SERPINB10: variants seen among roughly 807,000 people sequenced by gnomAD.
The protein encoded by SERPINB10 is serpin family B member 10.
SERPINB10 carries 35 observed loss-of-function variants against 39.1 expected under a neutral mutation model. The ratio of observed to expected loss-of-function variants is 0.90; its 90% confidence interval spans 0.68 to 1.19. The LOEUF is 1.19. SERPINB10 is among the 50% of genes most tolerant of loss of function. The pLI is 0.00. For synonymous variants in SERPINB10, 190 were observed against 158.1 expected, an observed-to-expected ratio of 1.20 and a Z score of -1.52; for missense variants, 546 against 460.5, an observed-to-expected ratio of 1.19 and a Z score of -1.70.
In SERPINB10 at chr18:63,907,974, A is replaced by G. The variant is rs1457864841; in HGVS notation, c.-76A>G. The G allele has an allele frequency of 1.9e-5, 6 of 321,286 alleles. No individual in the cohort carries two copies. Among genetic ancestry groups the G allele is most frequent in the Non-Finnish European group, 3.8e-5 (6 of 156,704 alleles). 19.9% of individuals were successfully genotyped at this position (321,286 alleles called of 1,614,324 possible). A position where few individuals can be genotyped will look rare whatever the true frequency, so the allele number is the denominator to read the frequency against. ...AATTTCTTCAGTTGAAAGTTTCTCA[A>G]CTCTTCAGCCACAATCTCTTACTAC... On this transcript the variant is annotated 5_prime_UTR_variant, in exon 1 of 8. Transcript: ENST00000238508.
intron 5 of SERPINB10, among the ~76,000 whole-genome samples, chr18:63,922,953 T>G (rs891782475): frequency 6.6e-6 from 1 of 151,988 alleles, no homozygotes; most frequent in African/African-American, 2.4e-5. Context: ...AAGTTTCATT[T>G]CTGAAGAAGA....
At chr18:63,932,935 A>T in intron 6 of SERPINB10, 113 bp from the exon 7 acceptor site, 1 of 936,500 alleles carries the variant, frequency 1.1e-6, no homozygotes, top group South Asian at 1.6e-5. Context: ...CATTTAGCAG[A>T]GAATCAGCAG....
intron 1 of SERPINB10, among the ~76,000 whole-genome samples, chr18:63,914,223 C>T (rs74744806): frequency 0.26 from 39,581 of 151,892 alleles, 5,820 homozygotes; most frequent in African/African-American, 0.39. Flanking sequence ...ATCCAACTTG[C>T]CACTCTGTGC....
intron 3 of SERPINB10, 61 bp downstream of exon 3, chr18:63,917,582 A>G (rs1029855401): frequency 5.1e-6 from 5 of 979,686 alleles, no homozygotes; most frequent in Non-Finnish European, 7.4e-6. Flanking sequence ...TAGCACATGT[A>G]TTTTAGTGAT....
chr18:63,908,011 G>T lies in SERPINB10; in HGVS notation c.-39G>T. The T allele has an allele frequency of 2.9e-6, 1 of 341,878 alleles. No homozygotes were observed. Among genetic ancestry groups the T allele is most frequent in the Non-Finnish European group, 6.1e-6 (1 of 165,194 alleles). 21.2% of individuals were successfully genotyped at this position (341,878 alleles called of 1,614,324 possible). A position where few individuals can be genotyped will look rare whatever the true frequency, so the allele number is the denominator to read the frequency against. On this transcript the variant is annotated 5_prime_UTR_variant, in exon 1 of 8. Transcript: ENST00000238508. ...CAATCTCTTACTACAGGAGCAAATT[G>T]CCAATTCTGCTCCAGTGGGAGAAAA... is the stretch of plus-strand genomic sequence containing the variant.
At chr18:63,926,036 A>G (rs1264508473) in intron 5 of SERPINB10, among the ~76,000 whole-genome samples, 1 of 152,006 alleles carries the variant, frequency 6.6e-6, no homozygotes, top group Non-Finnish European at 1.5e-5. Context: ...GGCTGTCATA[A>G]CACATTAAGG....
intron 5 of SERPINB10, among the ~76,000 whole-genome samples, chr18:63,920,738 G>T (rs1056356981): frequency 6.6e-6 from 1 of 151,854 alleles, no homozygotes; most frequent in East Asian, 1.9e-4. Context: ...CTAGTTTTAG[G>T]ATCAAAAAGC....
At chr18:63,933,907 T>C (rs1293557647) in intron 7 of SERPINB10, among the ~76,000 whole-genome samples, 1 of 152,220 alleles carries the variant, frequency 6.6e-6, no homozygotes, top group East Asian at 1.9e-4. Flanking sequence ...TTAATACTTA[T>C]AAGTTTCCAC....
At position 63,915,648 on chromosome 18, in the gene SERPINB10, C is replaced by G. The variant is rs1412748650; in HGVS notation, c.138C>G (p.Ala46=). The change falls in exon 2 of 8, where the codon GCC becomes GCG. Residue 46 remains alanine, a synonymous_variant. Transcript: ENST00000238508. ...CCTTGACCATAGTGTATTTGGGCGC[C>G]AAAGGTACCACTGCAGCCCAAATGG... ...STSLTIVYLG[A]KGTTAAQMAQ... 6.2e-7 allele frequency: 1 copy of G among 1,611,398 alleles called. No homozygotes were observed. The highest frequency in any genetic ancestry group is 1.7e-5 in the Admixed American group (1 of 59,746).
In SERPINB10 at chr18:63,915,574, T is replaced by G. The variant is rs747065892; in HGVS notation, c.64T>G (p.Ser22Ala). 2 of 1,612,762 alleles carry G rather than the reference T, an allele frequency of 1.2e-6. No homozygotes were observed. The highest frequency in any genetic ancestry group is 1.7e-6 in the Non-Finnish European group (2 of 1,179,198). ...ALELSKKLAE[S>A]AQGKNIFFSS... is the part of the protein sequence containing the mutation. ...GGAGTTGAGCAAAAAGCTAGCTGAA[T>G]CTGCTCAGGGTAAAAATATCTTCTT... Residue 22 changes from serine to alanine, a missense_variant, in exon 2 of 8, where the codon TCT becomes GCT. Physicochemically the swap from Ser to Ala is moderately conservative, Grantham distance 99. Transcript: ENST00000238508.
rs779136431 is a variant in SERPINB10, at chr18:63,935,202, C to G, written c.1154C>G (p.Thr385Ser). 1.2e-6 allele frequency: 2 copies of G among 1,605,594 alleles called. No homozygotes were observed. The highest frequency in any genetic ancestry group is 3.4e-5 in the Admixed American group (2 of 59,082). Reference sequence around the variant, plus strand: ...CTCTTCTTCATCAGGCACAATAAAACCAACACCATTCTTTTTTATGGAAGA... The same window carrying G: ...CTCTTCTTCATCAGGCACAATAAAAGCAACACCATTCTTTTTTATGGAAGA... ...PFLFFIRHNK[T>S]NTILFYGRLC... is the part of the protein sequence containing the mutation. Residue 385 changes from threonine (T) to serine (S), a missense_variant, in exon 8 of 8, where the codon ACC becomes AGC. By Grantham distance (58) the Thr-to-Ser change is moderately conservative. Coordinates refer to ENST00000238508, the MANE Select transcript of SERPINB10 (RefSeq NM_005024.3).
Position 63,935,333 on chromosome 18 carries a change from T to C in SERPINB10, c.*91T>C. 1.5e-6 allele frequency: 2 copies of C among 1,351,848 alleles called. No individual in the cohort carries two copies. The highest frequency in any genetic ancestry group is 2.0e-6 in the Non-Finnish European group (2 of 1,002,600). The allele number at this position is 1,351,848 out of a possible 1,614,324, so 83.7% of individuals were successfully genotyped here. A position where few individuals can be genotyped will look rare whatever the true frequency, so the allele number is the denominator to read the frequency against. On this transcript the variant is annotated 3_prime_UTR_variant, in exon 8 of 8. Transcript: ENST00000238508. ...AGCACAATTTTCACAAAAATGAGTT[T>C]GTAGTCTAAACCTTTTTCACATTTG...
rs190285430 is a variant in SERPINB10 at position 63,918,911 on chromosome 18, C to T, written c.372+809C>T. Among the ~76,000 whole-genome samples, 55 of 152,070 alleles carry T rather than the reference C, an allele frequency of 3.6e-4. No individual in the cohort carries two copies. The East Asian group carries it at 9.7e-3, about 27-fold the overall frequency. On this transcript the variant is annotated intron_variant, in intron 4 of 7. Transcript: ENST00000238508. Reference sequence around the variant, plus strand: ...AGAGGGACACAGAGATAGAGACAAACATATTTTTATATGTCCACAAGCCCT... The same window carrying T: ...AGAGGGACACAGAGATAGAGACAAATATATTTTTATATGTCCACAAGCCCT...
intron 1 of SERPINB10, among the ~76,000 whole-genome samples, chr18:63,908,670 CCT>C: frequency 6.6e-6 from 1 of 152,118 alleles, no homozygotes; most frequent in South Asian, 2.1e-4. Flanking sequence ...CAAACTATTA[CCT>C]GTTTCTAAAA....
chr18:63,914,920 AG>A (rs1222391930), intron 1 of SERPINB10, among the ~76,000 whole-genome samples: 6 of 152,090 alleles, frequency 3.9e-5, no homozygotes, highest in Admixed American at 6.6e-5. Flanking sequence ...CAAATGAGTG[AG>A]AATAAAGACA....
chr18:63,930,307 G>C, intron 6 of SERPINB10, 120 bp downstream of exon 6: 1 of 1,096,878 alleles, frequency 9.1e-7, no homozygotes, highest in Non-Finnish European at 1.3e-6. Flanking sequence ...TACCAGGGAA[G>C]TGATGGCTGG....
intron 5 of SERPINB10, among the ~76,000 whole-genome samples, chr18:63,929,712 C>CAAAAAAAAAAAAAAAAAAAAAAAAAAA (rs74169990): frequency 1.0e-5 from 1 of 97,346 alleles, no homozygotes; most frequent in African/African-American, 3.0e-5. Context: ...AGCTAAAGTG[C>CAAAAAAAAAAAAAAAAAAAAAAAAAAA]AAAAAAAAAA....
At chr18:63,908,244 T>C (rs1047671521) in intron 1 of SERPINB10, among the ~76,000 whole-genome samples, 3 of 151,958 alleles carry the variant, frequency 2.0e-5, no homozygotes, top group Non-Finnish European at 4.4e-5. Context: ...AAAAGGGATA[T>C]GGGAGAAAGA....
chr18:63,918,200 T>G, intron 4 of SERPINB10, 98 bp downstream of exon 4: 1 of 1,292,200 alleles, frequency 7.7e-7, no homozygotes, highest in South Asian at 1.3e-5. Context: ...CCAGGGACAA[T>G]CTTCATGTGG....
Sources: gnomAD v4.1 joint callset for allele counts (sites outside exome capture counted in the v4.1 genomes callset) on GRCh38, gnomAD v4.1.1 for gene constraint, MANE v1.5 for transcripts, NCBI Gene and HGNC (gene_info 2026-07-23, HGNC 2026-07-21) for gene names.